The following PXDC1 variants were observed in gnomAD, a reference collection of about 807,000 sequenced individuals.
The protein encoded by PXDC1 is PX domain containing 1.
A neutral mutation model predicts 24.4 loss-of-function variants in PXDC1; 13 were observed. The ratio of observed to expected loss-of-function variants is 0.53; its 90% CI spans 0.35 to 0.85. The LOEUF (loss-of-function observed/expected upper bound fraction) is 0.85, where lower values mean the gene tolerates loss of function less well. PXDC1 is among the 40% of genes least tolerant of loss of function. The pLI is 0.01. For missense variants in PXDC1, 344 were observed against 309.3 expected, an observed-to-expected ratio of 1.11 and a Z score of -0.84; for synonymous variants, 162 against 124.9, an observed-to-expected ratio of 1.30 and a Z score of -1.98.
chr6:3,746,930 G>C (rs1372947509), intron 1 of PXDC1, among the ~76,000 whole-genome samples: 1 of 152,108 alleles, frequency 6.6e-6, no homozygotes, highest in Non-Finnish European at 1.5e-5. Context: ...TTCTGGTAAT[G>C]TCCCAGATGC....
chr6:3,738,965 C>A (rs1433763542), intron 1 of PXDC1: 1 of 1,293,786 alleles, frequency 7.7e-7, no homozygotes, highest in Non-Finnish European at 1.0e-6. Flanking sequence ...CTGATGCAAA[C>A]GTGCCTGTGA....
chr6:3,728,371 T>C lies in PXDC1; in HGVS notation c.467-709A>G, dbSNP rs532014968. ...ACTTCTAAGTGAGAATATACAATAT[T>C]GGTTGCCCATTCCTGAGTTACTTCT... On this transcript the variant is annotated intron_variant, in intron 3 of 4. Coordinates refer to ENST00000380283, the MANE Select transcript of PXDC1 (RefSeq NM_183373.4). The surrounding 1 kb of genome is among the most constrained non-coding windows in gnomAD (Gnocchi z 4.0). Among the ~76,000 whole-genome samples, 22 of 152,334 alleles carry C rather than the reference T, an allele frequency of 1.4e-4. No homozygotes were observed. The highest frequency in any genetic ancestry group is 7.8e-4 in the Admixed American group (12 of 15,308).
intron 1 of PXDC1, among the ~76,000 whole-genome samples, chr6:3,741,964 TAAAAG>T (rs1760458749): frequency 6.6e-6 from 1 of 152,328 alleles, no homozygotes; most frequent in East Asian, 1.9e-4. Context: ...AGTGCAGAAA[TAAAAG>T]AAATCTTCAT....
intron 3 of PXDC1, among the ~76,000 whole-genome samples, chr6:3,731,286 T>C (rs1760190609): frequency 6.6e-6 from 1 of 152,152 alleles, no homozygotes; most frequent in Non-Finnish European, 1.5e-5. Flanking sequence ...ATTATGATCA[T>C]TGTTAGTAAT....
chr6:3,744,979 C>T (rs1037508302), intron 1 of PXDC1, among the ~76,000 whole-genome samples: 2 of 152,234 alleles, frequency 1.3e-5, no homozygotes, highest in South Asian at 2.1e-4. Flanking sequence ...GGCTTACAGG[C>T]GTGAGCCACC....
In PXDC1 at chr6:3,731,241, C is replaced by T. The variant is rs571206861; in HGVS notation, c.467-3579G>A. 3.9e-5 allele frequency among the ~76,000 whole-genome samples: 6 copies of T among 152,248 alleles called. No homozygotes were observed. The South Asian group carries it at 6.2e-4, about 16-fold the overall frequency. ...GCTGAAATTGATGAGTCCAAACAGC[C>T]GTATCAAGGCTGAGGTCCGCATTTC... On this transcript the variant is annotated intron_variant, in intron 3 of 4. Coordinates refer to ENST00000380283, the MANE Select transcript of PXDC1 (RefSeq NM_183373.4).
chr6:3,741,045 T>C (rs1760438728), intron 1 of PXDC1, among the ~76,000 whole-genome samples: 1 of 152,240 alleles, frequency 6.6e-6, no homozygotes. Flanking sequence ...GGACAGGTGT[T>C]AGTCACTCTC....
intron 3 of PXDC1, among the ~76,000 whole-genome samples, chr6:3,732,722 C>T (rs966018503): frequency 1.3e-5 from 2 of 152,310 alleles, no homozygotes; most frequent in South Asian, 2.1e-4. Context: ...TAGCGCCGGG[C>T]GCCATCTAGT....
rs1031379686 is a variant in PXDC1, at chr6:3,737,651, G to A, written c.348+406C>T. 118 of 985,234 alleles carry A rather than the reference G, an allele frequency of 1.2e-4. No individual in the cohort carries two copies. Among genetic ancestry groups the A allele is most frequent in the Non-Finnish European group, 1.3e-4 (112 of 829,848 alleles). 61.0% of individuals were successfully genotyped at this position (985,234 alleles called of 1,614,324 possible). Reference sequence around the variant, plus strand: ...GAGTTGACGGTCAAATCCGGGCAACGTGCCCCGCTGTGCTGACGCCAACGT... The same window carrying A: ...GAGTTGACGGTCAAATCCGGGCAACATGCCCCGCTGTGCTGACGCCAACGT... On this transcript the variant is annotated intron_variant, in intron 2 of 4. Coordinates refer to ENST00000380283, the MANE Select transcript of PXDC1 (RefSeq NM_183373.4). The surrounding 1 kb of genome is among the most constrained non-coding windows in gnomAD (Gnocchi z 5.5).
rs764684369 is a variant in PXDC1 at position 3,728,395 on chromosome 6, C to T, written c.467-733G>A. On this transcript the variant is annotated intron_variant, in intron 3 of 4. Coordinates refer to ENST00000380283, the MANE Select transcript of PXDC1 (RefSeq NM_183373.4). The surrounding 1 kb of genome is among the most constrained non-coding windows in gnomAD (Gnocchi z 4.0). Reference sequence around the variant, plus strand: ...TTGGTTGCCCATTCCTGAGTTACTTCTCAGTGTGCATTTTAAACCAAAGGG... The same window carrying T: ...TTGGTTGCCCATTCCTGAGTTACTTTTCAGTGTGCATTTTAAACCAAAGGG... Among the ~76,000 whole-genome samples, 11 of 152,314 alleles carry T rather than the reference C, an allele frequency of 7.2e-5. No individual in the cohort carries two copies. The highest frequency in any genetic ancestry group is 2.6e-4 in the Admixed American group (4 of 15,302).
rs192653676 is a variant in PXDC1 at position 3,732,359 on chromosome 6, A to G, written c.467-4697T>C. Among the ~76,000 whole-genome samples the G allele has an allele frequency of 1.3e-3, 192 of 152,346 alleles. 1 individual carries two copies. The highest frequency in any genetic ancestry group is 4.4e-3 in the African/African-American group (182 of 41,584). ...AGCAGTGCCCTTGTATTAACTGGCTAGCTGGGCTACCCCTACATAGTGAAA... is the reference window on the plus strand; with the variant it reads ...AGCAGTGCCCTTGTATTAACTGGCTGGCTGGGCTACCCCTACATAGTGAAA... On this transcript the variant is annotated intron_variant, in intron 3 of 4. Transcript: ENST00000380283.
chr6:3,747,004 T>C (rs1377209113), intron 1 of PXDC1, among the ~76,000 whole-genome samples: 1 of 152,124 alleles, frequency 6.6e-6, no homozygotes, highest in Non-Finnish European at 1.5e-5. Flanking sequence ...GGTAGATGAA[T>C]GTCTTTGGTG....
rs1760726906 is a variant in PXDC1 at position 3,751,577 on chromosome 6, C to G, written c.-46G>C. The G allele has an allele frequency of 6.8e-7, 1 of 1,459,908 alleles. No individual in the cohort carries two copies. The highest frequency in any genetic ancestry group is 2.5e-5 in the Admixed American group (1 of 39,238). The allele number at this position is 1,459,908 out of a possible 1,614,324, so 90.4% of individuals were successfully genotyped here. ...AAGGGCTCCCCAGCCCCGCCGCCCG[C>G]CCGCCCGCAGGAGGCGCGCCCCGGC... On this transcript the variant is annotated 5_prime_UTR_variant, in exon 1 of 5. Transcript: ENST00000380283.
At position 3,738,090 on chromosome 6, in the gene PXDC1, C is replaced by G. The variant is rs769996711; in HGVS notation, c.315G>C (p.Lys105Asn). ...DIETRLNEVEKLLKTIISMPC... is the reference protein window; with the variant it reads ...DIETRLNEVENLLKTIISMPC... ...GCATGCTTATGATCGTCTTCAGCAG[C>G]TTCTCCACCTCATTAAGCCTGGTCT... The change falls in exon 2 of 5, where the codon AAG (lysine) becomes AAC (asparagine). Residue 105 changes from lysine (K) to asparagine (N), a missense_variant. Transcript: ENST00000380283. 1.2e-6 allele frequency: 2 copies of G among 1,614,164 alleles called. No homozygotes were observed. The highest frequency in any genetic ancestry group is 3.3e-5 in the Admixed American group (2 of 60,028).
Position 3,737,214 on chromosome 6 carries a change from G to A in PXDC1, c.349-18C>T. ...CTAGAATACTGGGGAGAAATGCAGG[G>A]ATTACTAAAAACGATCAGCCTCTAC... On this transcript the variant is annotated intron_variant, in intron 2 of 4. Coordinates refer to ENST00000380283, the MANE Select transcript of PXDC1 (RefSeq NM_183373.4). This position sits in a 1 kb window ranked among gnomAD's most constrained non-coding sequence, Gnocchi z 5.5. 1 of 1,547,532 alleles carries A rather than the reference G, an allele frequency of 6.5e-7. No homozygotes were observed. Among genetic ancestry groups the A allele is most frequent in the Non-Finnish European group, 8.9e-7 (1 of 1,119,422 alleles).
chr6:3,743,675 A>G (rs1024232076), intron 1 of PXDC1, among the ~76,000 whole-genome samples: 4 of 152,248 alleles, frequency 2.6e-5, no homozygotes, highest in Non-Finnish European at 5.9e-5. Flanking sequence ...GGGAAGTTCT[A>G]ACTCCCTGGG....
At chr6:3,738,197 C>A (rs116469545) in intron 1 of PXDC1, 49 bp from the exon 2 acceptor site, 1 of 1,429,894 alleles carries the variant, frequency 7.0e-7, no homozygotes, top group Non-Finnish European at 9.9e-7. Context: ...CACCAGGAAA[C>A]GCGCTCCCAA....
chr6:3,744,132 C>A (rs73722549), intron 1 of PXDC1, among the ~76,000 whole-genome samples: 9,209 of 152,238 alleles, frequency 0.06, 941 homozygotes, highest in African/African-American at 0.21. Context: ...ATTATTTTCC[C>A]CACTAAAAGC....
intron 1 of PXDC1, chr6:3,751,003 G>A: frequency 4.6e-6 from 2 of 431,140 alleles, no homozygotes; most frequent in Non-Finnish European, 8.2e-6. Context: ...TCCTCAGGGA[G>A]AGTCCGGCGC....
Sources: gnomAD v4.1 joint callset for allele counts (sites outside exome capture counted in the v4.1 genomes callset) on GRCh38, gnomAD v4.1.1 for gene constraint, Gnocchi (gnomAD v3.1) non-coding constraint, MANE v1.5 for transcripts, NCBI Gene and HGNC (gene_info 2026-07-23, HGNC 2026-07-21) for gene names.